The following PHTF2 variants were observed in gnomAD, a reference collection of about 807,000 sequenced individuals.
PHTF2 encodes the protein protein PHTF2.
PHTF2 carries 60 observed loss-of-function variants against 101.2 expected under a neutral mutation model. The ratio of observed to expected loss-of-function variants is 0.59; its 90% CI spans 0.48 to 0.73. PHTF2 has a LOEUF of 0.73. PHTF2 is among the 30% of genes least tolerant of loss of function. The pLI, the probability that PHTF2 is intolerant of heterozygous loss-of-function variation, is 0.00. For missense variants in PHTF2, 747 were observed against 908.7 expected (o/e 0.82, Z 2.29); for synonymous variants, 311 against 307.3 (o/e 1.01, Z -0.13).
At chr7:77,929,825 C>T (rs1666349902) in intron 12 of PHTF2, among the ~76,000 whole-genome samples, 1 of 151,840 alleles carries the variant, frequency 6.6e-6, no homozygotes, top group Non-Finnish European at 1.5e-5. Context: ...CCATTATATT[C>T]ATAATATCAC....
chr7:77,906,440 A>T (rs1801867965), intron 7 of PHTF2: 1 of 152,204 alleles, frequency 6.6e-6, no homozygotes. Context: ...AAGGAAAAAG[A>T]GAGGAAGAAA....
chr7:77,910,404 A>G (rs1450799873), exon 9 of PHTF2: 1 of 1,611,384 alleles, frequency 6.2e-7, no homozygotes, highest in Non-Finnish European at 8.5e-7. Context: ...CTTTCTTTTT[A>G]TCAGGGTTTG....
At chr7:77,871,833 C>G (rs1172955548) in intron 3 of PHTF2, among the ~76,000 whole-genome samples, 1 of 152,114 alleles carries the variant, frequency 6.6e-6, no homozygotes, top group Non-Finnish European at 1.5e-5. Context: ...AAGTGAGTGC[C>G]TTGGTCAAAG....
intron 1 of PHTF2, among the ~76,000 whole-genome samples, chr7:77,832,625 G>A (rs1795157769): frequency 6.6e-6 from 1 of 152,016 alleles, no homozygotes; most frequent in South Asian, 2.1e-4. Flanking sequence ...GTGAAGCAGG[G>A]TTTTCTGTAG....
At chr7:77,847,435 T>C (rs1241157064) in intron 2 of PHTF2, among the ~76,000 whole-genome samples, 2 of 152,230 alleles carry the variant, frequency 1.3e-5, no homozygotes. Flanking sequence ...ATTTACCAGC[T>C]TATGATATTG....
At chr7:77,821,236 T>C (rs1245289063) in intron 1 of PHTF2, among the ~76,000 whole-genome samples, 1 of 152,204 alleles carries the variant, frequency 6.6e-6, no homozygotes, top group Non-Finnish European at 1.5e-5. Flanking sequence ...CCATTGTATG[T>C]GACTTGATGT....
intron 9 of PHTF2, among the ~76,000 whole-genome samples, chr7:77,911,605 A>G (rs1422912054): frequency 1.3e-5 from 2 of 152,230 alleles, no homozygotes; most frequent in Non-Finnish European, 2.9e-5. Flanking sequence ...TATTTCATCA[A>G]TTTGTGATTG....
chr7:77,821,064 G>C (rs564364832), intron 1 of PHTF2, among the ~76,000 whole-genome samples: 112 of 151,992 alleles, frequency 7.4e-4, no homozygotes, highest in African/African-American at 2.6e-3. Flanking sequence ...GTCTATGAAA[G>C]GTTTTATTTC....
chr7:77,929,216 C>T, exon 12 of PHTF2: 1 of 1,612,348 alleles, frequency 6.2e-7, no homozygotes, highest in Non-Finnish European at 8.5e-7. Context: ...TATGGGAAGA[C>T]TTGTTACATT....
At chr7:77,841,360 T>G (rs1326821449) in intron 2 of PHTF2, among the ~76,000 whole-genome samples, 2 of 152,064 alleles carry the variant, frequency 1.3e-5, no homozygotes, top group Non-Finnish European at 2.9e-5. Context: ...GATTACAGGC[T>G]TGAGCCACCG....
chr7:77,850,969 A>C (rs1796714443), intron 2 of PHTF2, among the ~76,000 whole-genome samples: 1 of 152,104 alleles, frequency 6.6e-6, no homozygotes, highest in Non-Finnish European at 1.5e-5. Context: ...GATAAATCCT[A>C]CTTGGTCATG....
intron 12 of PHTF2, among the ~76,000 whole-genome samples, chr7:77,931,412 G>T (rs767429124): frequency 3.3e-5 from 5 of 152,130 alleles, no homozygotes; most frequent in Non-Finnish European, 7.4e-5. Flanking sequence ...AAAGACAAAT[G>T]ACTCAATAGA....
At chr7:77,865,114 T>C (rs1488093823) in intron 3 of PHTF2, among the ~76,000 whole-genome samples, 2 of 152,150 alleles carry the variant, frequency 1.3e-5, no homozygotes, top group African/African-American at 4.8e-5. Context: ...CAGGGAAAGC[T>C]ACAGAGAGAT....
At chr7:77,924,497 C>G (rs1431941819) in intron 11 of PHTF2, among the ~76,000 whole-genome samples, 1 of 152,200 alleles carries the variant, frequency 6.6e-6, no homozygotes, top group Non-Finnish European at 1.5e-5. Flanking sequence ...GGCAAGGAAG[C>G]TATCAAAGAC....
intron 3 of PHTF2, among the ~76,000 whole-genome samples, chr7:77,867,454 A>C (rs1798158923): frequency 1.3e-5 from 2 of 152,246 alleles, no homozygotes; most frequent in Non-Finnish European, 2.9e-5. Context: ...CTGTAAACAT[A>C]GAGATAGCTG....
At chr7:77,935,145 A>G (rs1283079478) in intron 12 of PHTF2, among the ~76,000 whole-genome samples, 1 of 115,810 alleles carries the variant, frequency 8.6e-6, no homozygotes, top group Admixed American at 1.0e-4. Flanking sequence ...ACACACACAG[A>G]GGAATATAGC....
At chr7:77,863,985 G>A (rs954204862) in intron 3 of PHTF2, among the ~76,000 whole-genome samples, 2 of 152,120 alleles carry the variant, frequency 1.3e-5, no homozygotes, top group Admixed American at 1.3e-4. Context: ...TCTCCATGTT[G>A]CCCAGGCTGG....
At position 77,857,291 on chromosome 7, in the gene PHTF2, A is replaced by G. The variant is rs116679192; in HGVS notation, c.147+2457A>G. Among the ~76,000 whole-genome samples, 813 of 152,318 alleles carry G rather than the reference A, an allele frequency of 5.3e-3. 4 individuals carry two copies. The highest frequency in any genetic ancestry group is 0.019 in the African/African-American group (780 of 41,556). On this transcript the variant is annotated intron_variant, in intron 3 of 19. Transcript: ENST00000416283. Reference sequence around the variant, plus strand: ...AGAAAGTTGTGGAAAGAAGGAGGAAATGAGATAGCCCCAGAGGTCATGAAT... The same window carrying G: ...AGAAAGTTGTGGAAAGAAGGAGGAAGTGAGATAGCCCCAGAGGTCATGAAT...
chr7:77,852,863 A>C (rs1011147492), intron 2 of PHTF2, among the ~76,000 whole-genome samples: 2 of 152,150 alleles, frequency 1.3e-5, no homozygotes, highest in African/African-American at 4.8e-5. Flanking sequence ...CTATTAAAGG[A>C]TAAAAGTTTT....
Sources: allele counts gnomAD v4.1 joint callset (sites outside exome capture counted in the v4.1 genomes callset), GRCh38; gene constraint gnomAD v4.1.1; transcripts MANE v1.5; gene names NCBI Gene and HGNC (gene_info 2026-07-23, HGNC 2026-07-21).